FBXW7: variants seen among roughly 807,000 people sequenced by gnomAD.
The protein encoded by FBXW7 is F-box and WD repeat domain containing 7.
FBXW7 carries 11 observed loss-of-function variants against 86.3 expected under a neutral mutation model. That is an observed-to-expected ratio of 0.13 (90% CI 0.08 to 0.21). The LOEUF is 0.21. Ranked by LOEUF, FBXW7 falls within the 10% of genes least tolerant of loss-of-function variation. The pLI is 1.00. For missense variants in FBXW7, 488 were observed against 847.4 expected (o/e 0.58, Z 5.27); for synonymous variants, 313 against 297.9 (o/e 1.05, Z -0.52).
At chr4:152,515,941 G>A (rs547027214) in intron 2 of FBXW7, among the ~76,000 whole-genome samples, 3 of 152,152 alleles carry the variant, frequency 2.0e-5, no homozygotes, top group Admixed American at 2.0e-4. Flanking sequence ...GGTGGCGGGG[G>A]TGGGCCTCTA....
intron 2 of FBXW7, among the ~76,000 whole-genome samples, chr4:152,469,258 A>T (rs1743732416): frequency 6.6e-6 from 1 of 152,096 alleles, no homozygotes; most frequent in Non-Finnish European, 1.5e-5. Flanking sequence ...ATAACTTTAA[A>T]ATCTATTATG....
chr4:152,443,106 T>C (rs1311889216), intron 2 of FBXW7, among the ~76,000 whole-genome samples: 2 of 151,930 alleles, frequency 1.3e-5, no homozygotes, highest in African/African-American at 4.8e-5. Flanking sequence ...CTACTAAAAA[T>C]ACAAAATTAG....
chr4:152,427,103 T>C (rs934231247), intron 2 of FBXW7, among the ~76,000 whole-genome samples: 12 of 152,224 alleles, frequency 7.9e-5, no homozygotes, highest in African/African-American at 2.9e-4. Flanking sequence ...GGTGTGGTTA[T>C]GCTTGGAAAA....
At chr4:152,478,006 T>C (rs1744572433) in intron 2 of FBXW7, among the ~76,000 whole-genome samples, 2 of 152,104 alleles carry the variant, frequency 1.3e-5, no homozygotes, top group Admixed American at 6.6e-5. Flanking sequence ...AAAATTTTAT[T>C]AGTGAAAATA....
chr4:152,384,937 C>T lies in FBXW7; in HGVS notation c.501+26366G>A, dbSNP rs1270560771. 2.0e-5 allele frequency among the ~76,000 whole-genome samples: 3 copies of T among 152,072 alleles called. No homozygotes were observed. In the East Asian group the frequency reaches 5.8e-4, roughly 29 times the overall value. ...ACTAGGTTCATGCTAGTCTTAGCATCTCCTCAGATGTTCACTTTATTTTCC... is the reference window on the plus strand; with the variant it reads ...ACTAGGTTCATGCTAGTCTTAGCATTTCCTCAGATGTTCACTTTATTTTCC... On this transcript the variant is annotated intron_variant, in intron 4 of 13. Transcript: ENST00000281708.
intron 2 of FBXW7, among the ~76,000 whole-genome samples, chr4:152,438,923 A>G (rs186394449): frequency 2.2e-4 from 33 of 152,286 alleles, no homozygotes; most frequent in African/African-American, 6.7e-4. Context: ...CTATTAAGAC[A>G]TGTTCTTGTA....
rs375344223 is a variant in FBXW7, at chr4:152,322,853, A to T, written c.*28T>A. 1.2e-6 allele frequency: 2 copies of T among 1,611,942 alleles called. No homozygotes were observed. Among genetic ancestry groups the T allele is most frequent in the South Asian group, 1.1e-5 (1 of 91,002 alleles). ...AGGGCAGGGAGTATATCGTCTACAC[A>T]ATTGGACAAATTCATCTTTTCTGCT... On this transcript the variant is annotated 3_prime_UTR_variant, in exon 14 of 14. Coordinates refer to ENST00000281708, the MANE Select transcript of FBXW7 (RefSeq NM_001349798.2).
chr4:152,444,290 T>C (rs1312508460), intron 2 of FBXW7, among the ~76,000 whole-genome samples: 1 of 151,882 alleles, frequency 6.6e-6, no homozygotes, highest in Non-Finnish European at 1.5e-5. Context: ...CCATATAACA[T>C]TTTATGGCTG....
At chr4:152,332,240 G>A (rs1048770613) in intron 8 of FBXW7, among the ~76,000 whole-genome samples, 1 of 152,084 alleles carries the variant, frequency 6.6e-6, no homozygotes, top group Admixed American at 6.6e-5. Context: ...TTGAAGAAAT[G>A]TCTGGCTCAT....
rs897590551 is a variant in FBXW7, at chr4:152,337,953, G to T, written c.727-17C>A. The T allele has an allele frequency of 6.3e-7, 1 of 1,587,390 alleles. No individual in the cohort carries two copies. The highest frequency in any genetic ancestry group is 8.5e-7 in the Non-Finnish European group (1 of 1,172,150). On this transcript the variant is annotated splice_polypyrimidine_tract_variant and intron_variant, in intron 6 of 13. Coordinates refer to ENST00000281708, the MANE Select transcript of FBXW7 (RefSeq NM_001349798.2). ...ACTCCAGCTCTATCAAAGAGAATTA[G>T]AAATTTTTATTGTTTTAACAGATGT...
rs1193694685 is a variant in FBXW7 at position 152,411,548 on chromosome 4, A to C, written c.256T>G (p.Ser86Ala). The change falls in exon 4 of 14, where the codon TCG becomes GCG. Residue 86 changes from serine to alanine, a missense_variant. By Grantham distance (99) the Ser-to-Ala change is moderately conservative. This residue lies in a region of FBXW7 where 230 missense variants were observed against 240.0 expected (regional missense o/e 0.96). Transcript: ENST00000281708. ...TTTCCTGAGGAGTCCTCATCTACCG[A>C]AATAAATCTATTATTGTTTTCTTCC... ...QLEENNNRFISVDEDSSGNQE... is the reference protein window; with the variant it reads ...QLEENNNRFIAVDEDSSGNQE... 1 of 1,613,890 alleles carries C rather than the reference A, an allele frequency of 6.2e-7. No individual in the cohort carries two copies. Among genetic ancestry groups the C allele is most frequent in the South Asian group, 1.1e-5 (1 of 91,060 alleles).
intron 4 of FBXW7, among the ~76,000 whole-genome samples, chr4:152,369,714 G>C (rs1733838125): frequency 6.6e-6 from 1 of 151,938 alleles, no homozygotes; most frequent in South Asian, 2.1e-4. Flanking sequence ...CATTCATTTT[G>C]AAAGGATGAC....
intron 4 of FBXW7, among the ~76,000 whole-genome samples, chr4:152,370,037 TCA>T (rs1408210099): frequency 2.0e-5 from 3 of 151,952 alleles, no homozygotes; most frequent in African/African-American, 7.2e-5. Context: ...TTTTTAAAAC[TCA>T]CAAATTCAGA....
chr4:152,494,202 T>C (rs946750576), intron 2 of FBXW7, among the ~76,000 whole-genome samples: 3 of 152,114 alleles, frequency 2.0e-5, no homozygotes, highest in South Asian at 2.1e-4. Context: ...AAGCCTTAGA[T>C]AGAAAGCAAG....
At chr4:152,433,421 T>C (rs1740087573) in intron 2 of FBXW7, among the ~76,000 whole-genome samples, 1 of 152,236 alleles carries the variant, frequency 6.6e-6, no homozygotes, top group Non-Finnish European at 1.5e-5. Context: ...TGGAAAGTAG[T>C]ATGGCATTGT....
chr4:152,535,494 G>A lies in FBXW7; in HGVS notation c.-580C>T, dbSNP rs894608093. 2 of 388,312 alleles carry A rather than the reference G, an allele frequency of 5.2e-6. No individual in the cohort carries two copies. The highest frequency in any genetic ancestry group is 9.1e-6 in the Non-Finnish European group (2 of 219,952). 24.1% of individuals were successfully genotyped at this position (388,312 alleles called of 1,614,324 possible). A position where few individuals can be genotyped will look rare whatever the true frequency, so the allele number is the denominator to read the frequency against. On this transcript the variant is annotated 5_prime_UTR_variant, in exon 1 of 14. Transcript: ENST00000281708. ...TTCACATCGGGGTCCCCGCCCCCCC[G>A]GCCGGGGGGTGGTTGCCGAGCTTGG... is the stretch of plus-strand genomic sequence containing the variant.
At chr4:152,458,382 A>G (rs1275290535) in intron 2 of FBXW7, among the ~76,000 whole-genome samples, 1 of 152,240 alleles carries the variant, frequency 6.6e-6, no homozygotes, top group East Asian at 1.9e-4. Flanking sequence ...GTGATGGAGC[A>G]CATCTATTTT....
At chr4:152,496,484 G>A (rs1156577171) in intron 2 of FBXW7, among the ~76,000 whole-genome samples, 1 of 151,794 alleles carries the variant, frequency 6.6e-6, no homozygotes, top group Non-Finnish European at 1.5e-5. Context: ...CTAAGGTCAG[G>A]ATGGCCAACA....
In FBXW7 at chr4:152,329,788, A is replaced by T; in HGVS notation, c.1123-3T>A. On this transcript the variant is annotated splice_region_variant and splice_polypyrimidine_tract_variant and intron_variant, in intron 9 of 13. Transcript: ENST00000281708. ...TGATCATCATGTCCTTTCAGCACCTATAAGAAAGATGTGCAGATTAGAAAT... is the reference window on the plus strand; with the variant it reads ...TGATCATCATGTCCTTTCAGCACCTTTAAGAAAGATGTGCAGATTAGAAAT... 2 of 1,508,244 alleles carry T rather than the reference A, an allele frequency of 1.3e-6. No individual in the cohort carries two copies. Among genetic ancestry groups the T allele is most frequent in the South Asian group, 2.5e-5 (2 of 78,486 alleles). The allele number at this position is 1,508,244 out of a possible 1,614,324, so 93.4% of individuals were successfully genotyped here. A position where few individuals can be genotyped will look rare whatever the true frequency, so the allele number is the denominator to read the frequency against.
Sources: gnomAD v4.1 joint callset for allele counts (sites outside exome capture counted in the v4.1 genomes callset) on GRCh38, gnomAD v4.1.1 for gene constraint, gnomAD v4.1.1 regional missense constraint, MANE v1.5 for transcripts, NCBI Gene and HGNC (gene_info 2026-07-23, HGNC 2026-07-21) for gene names.